BORCS5: variants seen among roughly 807,000 people sequenced by gnomAD.
BORCS5 encodes the protein BLOC-1-related complex subunit 5.
BORCS5 carries 17 observed loss-of-function variants against 22.1 expected under a neutral mutation model. That is an observed-to-expected ratio of 0.77 (90% CI 0.53 to 1.15). The LOEUF (loss-of-function observed/expected upper bound fraction) is 1.15, where lower values mean the gene tolerates loss of function less well. Ranked by LOEUF, BORCS5 falls within the 50% of genes most tolerant of loss-of-function variation. The pLI is 0.00. For missense variants in BORCS5, 247 were observed against 253.2 expected (o/e 0.98, Z 0.17); for synonymous variants, 117 against 99.8 (o/e 1.17, Z -1.03).
rs543166887 is a variant in BORCS5, at chr12:12,470,219, C to T, written c.*4443C>T. Among the ~76,000 whole-genome samples, 30 of 152,192 alleles carry T rather than the reference C, an allele frequency of 2.0e-4. No individual in the cohort carries two copies. The East Asian group carries it at 3.1e-3, about 16-fold the overall frequency. On this transcript the variant is annotated 3_prime_UTR_variant, in exon 4 of 4. Transcript: ENST00000314565. ...CCGAGTAGCTGGGACTACAGGTGCCCGCCACCACACCCGGCTAATTTTTTA... is the reference window on the plus strand; with the variant it reads ...CCGAGTAGCTGGGACTACAGGTGCCTGCCACCACACCCGGCTAATTTTTTA...
intron 2 of BORCS5, among the ~76,000 whole-genome samples, chr12:12,378,778 T>G (rs1863712288): frequency 1.3e-5 from 2 of 151,300 alleles, no homozygotes; most frequent in South Asian, 4.2e-4. Flanking sequence ...ACATACTATG[T>G]TAATATTAAG....
intron 2 of BORCS5, among the ~76,000 whole-genome samples, chr12:12,417,056 G>T (rs1164467926): frequency 1.3e-5 from 2 of 151,914 alleles, no homozygotes; most frequent in African/African-American, 2.4e-5. Flanking sequence ...CTCCCAAAGT[G>T]CTGGGATTAC....
rs1312954419 is a variant in BORCS5, at chr12:12,414,270, C to T, written c.203-21358C>T. 3.6e-4 allele frequency among the ~76,000 whole-genome samples: 24 copies of T among 67,290 alleles called. 2 individuals are homozygous for T. Among genetic ancestry groups the T allele is most frequent in the African/African-American group, 1.8e-3 (23 of 13,036 alleles). 44.1% of individuals were successfully genotyped at this position (67,290 alleles called of 152,430 possible). On this transcript the variant is annotated intron_variant, in intron 2 of 3. Coordinates refer to ENST00000314565, the MANE Select transcript of BORCS5 (RefSeq NM_058169.6). ...CCGGGCAGAGGGGCTCCTCACTTCC[C>T]AGTAGGGGCGGCCAGGCAGAGGCGC...
intron 1 of BORCS5, among the ~76,000 whole-genome samples, chr12:12,358,964 A>G (rs74062510): frequency 4.6e-5 from 7 of 152,328 alleles, no homozygotes; most frequent in South Asian, 2.1e-4. Flanking sequence ...GAACAGTTCT[A>G]TGGCATCCCT....
At chr12:12,458,966 C>T (rs1234546297) in intron 3 of BORCS5, among the ~76,000 whole-genome samples, 2 of 151,620 alleles carry the variant, frequency 1.3e-5, no homozygotes, top group South Asian at 2.1e-4. Context: ...AGCCAGACTC[C>T]GTCTCAAAAA....
At chr12:12,369,206 G>A (rs945173313) in intron 2 of BORCS5, among the ~76,000 whole-genome samples, 1 of 152,128 alleles carries the variant, frequency 6.6e-6, no homozygotes, top group Non-Finnish European at 1.5e-5. Flanking sequence ...CCCCTGTCTT[G>A]TAGTCTAATT....
intron 3 of BORCS5, among the ~76,000 whole-genome samples, chr12:12,440,226 T>G (rs1478328159): frequency 6.6e-6 from 1 of 152,230 alleles, no homozygotes; most frequent in Non-Finnish European, 1.5e-5. Flanking sequence ...GATGATGCTC[T>G]TGAATGAAAA....
chr12:12,371,029 G>A (rs561794898), intron 2 of BORCS5, among the ~76,000 whole-genome samples: 3 of 152,052 alleles, frequency 2.0e-5, no homozygotes, highest in South Asian at 2.1e-4. Context: ...GATTACAGGC[G>A]TGAGCCACTG....
intron 2 of BORCS5, among the ~76,000 whole-genome samples, chr12:12,418,405 G>T (rs956872199): frequency 6.6e-6 from 1 of 151,958 alleles, no homozygotes; most frequent in African/African-American, 2.4e-5. Flanking sequence ...GTCTATTTTG[G>T]TCAGCTACAG....
At position 12,467,965 on chromosome 12, in the gene BORCS5, G is replaced by A. The variant is rs1039504005; in HGVS notation, c.*2189G>A. ...TTTGGCTTTTCCAGACCCTGGGCCGGGTATGAGAACCAGCTTCTTGGTCTG... is the reference window on the plus strand; with the variant it reads ...TTTGGCTTTTCCAGACCCTGGGCCGAGTATGAGAACCAGCTTCTTGGTCTG... On this transcript the variant is annotated 3_prime_UTR_variant, in exon 4 of 4. Transcript: ENST00000314565. The A allele has an allele frequency of 7.2e-5, 11 of 152,238 alleles. No individual in the cohort carries two copies. The highest frequency in any genetic ancestry group is 2.7e-4 in the African/African-American group (11 of 41,442). 9.4% of individuals were successfully genotyped at this position (152,238 alleles called of 1,614,324 possible). A position where few individuals can be genotyped will look rare whatever the true frequency, so the allele number is the denominator to read the frequency against.
At chr12:12,416,956 ATTTT>A (rs763610980) in intron 2 of BORCS5, among the ~76,000 whole-genome samples, 1 of 133,992 alleles carries the variant, frequency 7.5e-6, no homozygotes, top group Non-Finnish European at 1.6e-5. Flanking sequence ...TACTTTTTGT[ATTTT>A]TTTTTTTTTT....
At chr12:12,464,060 G>A (rs549836334) in intron 3 of BORCS5, among the ~76,000 whole-genome samples, 5 of 151,286 alleles carry the variant, frequency 3.3e-5, no homozygotes, top group Non-Finnish European at 7.4e-5. Context: ...AGGCCACCCT[G>A]AAAAGGCCCA....
At chr12:12,377,303 C>T (rs767178136) in intron 2 of BORCS5, among the ~76,000 whole-genome samples, 4 of 151,926 alleles carry the variant, frequency 2.6e-5, no homozygotes, top group East Asian at 1.9e-4. Flanking sequence ...CTCGGCCTCC[C>T]GAGTAGTTGG....
intron 2 of BORCS5, among the ~76,000 whole-genome samples, chr12:12,389,135 CTT>C (rs10630444): frequency 7.6e-5 from 9 of 117,864 alleles, no homozygotes; most frequent in African/African-American, 6.5e-5. Flanking sequence ...CAAGTAAGTA[CTT>C]TTTTTTTTTT....
chr12:12,390,368 G>C (rs1170263139), intron 2 of BORCS5, among the ~76,000 whole-genome samples: 2 of 152,100 alleles, frequency 1.3e-5, no homozygotes, highest in Non-Finnish European at 2.9e-5. Flanking sequence ...CATAGATCAT[G>C]ATGAGGAAGG....
intron 3 of BORCS5, among the ~76,000 whole-genome samples, chr12:12,451,071 A>G (rs1296949128): frequency 6.6e-6 from 1 of 152,162 alleles, no homozygotes; most frequent in Non-Finnish European, 1.5e-5. Context: ...TGTTTCTGTT[A>G]GAGTGTGTGG....
At chr12:12,383,883 TTC>T (rs1192880344) in intron 2 of BORCS5, among the ~76,000 whole-genome samples, 1 of 151,360 alleles carries the variant, frequency 6.6e-6, no homozygotes, top group Non-Finnish European at 1.5e-5. Flanking sequence ...AGTTTGTCTC[TTC>T]TTTCCTTCTG....
At chr12:12,458,064 G>T (rs993127065) in intron 3 of BORCS5, among the ~76,000 whole-genome samples, 3 of 152,316 alleles carry the variant, frequency 2.0e-5, no homozygotes, top group Admixed American at 2.0e-4. Context: ...CTGTGTCAGG[G>T]CTTTAGCAAA....
chr12:12,418,322 G>A lies in BORCS5; in HGVS notation c.203-17306G>A, dbSNP rs143425623. Among the ~76,000 whole-genome samples the A allele has an allele frequency of 8.8e-4, 133 of 151,966 alleles. 1 individual carries two copies. The East Asian group carries it at 0.012, about 13-fold the overall frequency. ...CAAAGTGCTGAGATTACAGGCGTGAGCCACCACACCCGGCCTGAACCTTTT... is the reference window on the plus strand; with the variant it reads ...CAAAGTGCTGAGATTACAGGCGTGAACCACCACACCCGGCCTGAACCTTTT... On this transcript the variant is annotated intron_variant, in intron 2 of 3. Transcript: ENST00000314565.
Sources: allele counts gnomAD v4.1 joint callset (sites outside exome capture counted in the v4.1 genomes callset), GRCh38; gene constraint gnomAD v4.1.1; transcripts MANE v1.5; gene names NCBI Gene and HGNC (gene_info 2026-07-23, HGNC 2026-07-21).